ZBTB8A: variants seen among roughly 807,000 people sequenced by gnomAD.
The protein encoded by ZBTB8A is zinc finger and BTB domain-containing protein 8A.
Under a neutral mutation model 37.8 loss-of-function variants are expected in ZBTB8A, and 19 were observed. The observed-to-expected ratio is 0.50, with a 90% CI of 0.35 to 0.74. The LOEUF (loss-of-function observed/expected upper bound fraction) is 0.74, where lower values mean the gene tolerates loss of function less well. Ranked by LOEUF, ZBTB8A falls within the 30% of genes least tolerant of loss-of-function variation. The pLI is 0.01. For synonymous variants in ZBTB8A, 181 were observed against 185.2 expected, an observed-to-expected ratio of 0.98 and a Z score of 0.19; for missense variants, 394 against 537.8, an observed-to-expected ratio of 0.73 and a Z score of 2.65.
intron 4 of ZBTB8A, among the ~76,000 whole-genome samples, chr1:32,596,125 T>G (rs1347398389): frequency 1.3e-5 from 2 of 151,944 alleles, no homozygotes; most frequent in Non-Finnish European, 2.9e-5. Flanking sequence ...ATCCCAGCAC[T>G]TTGGGAGGCC....
intron 2 of ZBTB8A, among the ~76,000 whole-genome samples, chr1:32,586,570 T>C (rs760942405): frequency 4.0e-5 from 6 of 151,860 alleles, no homozygotes; most frequent in Non-Finnish European, 7.4e-5. Context: ...TCTGATAAGG[T>C]GACGTTGGAA....
chr1:32,567,748 C>A (rs1411130544), intron 2 of ZBTB8A, among the ~76,000 whole-genome samples: 5 of 122,524 alleles, frequency 4.1e-5, no homozygotes, highest in Non-Finnish European at 8.0e-5. Context: ...GCCGAGATTG[C>A]GCCACTACAC....
At chr1:32,582,682 G>A (rs1644416591) in intron 2 of ZBTB8A, among the ~76,000 whole-genome samples, 1 of 152,022 alleles carries the variant, frequency 6.6e-6, no homozygotes, top group Non-Finnish European at 1.5e-5. Flanking sequence ...AAAAGATTAG[G>A]CATTGATTTA....
chr1:32,551,862 T>G (rs1328005327), intron 1 of ZBTB8A, among the ~76,000 whole-genome samples: 1 of 152,164 alleles, frequency 6.6e-6, no homozygotes, highest in African/African-American at 2.4e-5. Context: ...CATGAGCCAC[T>G]GGGCCCAGCT....
intron 4 of ZBTB8A, among the ~76,000 whole-genome samples, chr1:32,598,377 C>G (rs971946243): frequency 6.6e-6 from 1 of 151,696 alleles, no homozygotes; most frequent in Non-Finnish European, 1.5e-5. Context: ...GGATTACAGG[C>G]GTGTGCCACC....
chr1:32,596,661 C>G (rs1427272070), intron 4 of ZBTB8A, among the ~76,000 whole-genome samples: 3 of 152,104 alleles, frequency 2.0e-5, no homozygotes, highest in Admixed American at 6.6e-5. Flanking sequence ...TCACACAACT[C>G]TACCATATTT....
At chr1:32,545,914 T>C (rs1157034479) in intron 1 of ZBTB8A, among the ~76,000 whole-genome samples, 1 of 152,232 alleles carries the variant, frequency 6.6e-6, no homozygotes, top group East Asian at 1.9e-4. Context: ...ATGAGTATTT[T>C]CTTCATTGTA....
intron 2 of ZBTB8A, among the ~76,000 whole-genome samples, chr1:32,577,612 GAC>G (rs1644373090): frequency 1.1e-5 from 1 of 90,586 alleles, no homozygotes; most frequent in African/African-American, 4.7e-5. Flanking sequence ...TTTTTTTTGA[GAC>G]AGAGTCTTTC....
chr1:32,539,651 G>A (rs1644031817), intron 1 of ZBTB8A, 79 bp downstream of exon 1: 2 of 146,350 alleles, frequency 1.4e-5, no homozygotes, highest in Non-Finnish European at 3.0e-5. Context: ...CCTGGCCGCG[G>A]GCTCTGACGG....
At chr1:32,581,554 G>T (rs982652716) in intron 2 of ZBTB8A, among the ~76,000 whole-genome samples, 1 of 151,396 alleles carries the variant, frequency 6.6e-6, no homozygotes, top group African/African-American at 2.4e-5. Flanking sequence ...GTTTCGCCAC[G>T]TTGGCCAGGC....
intron 2 of ZBTB8A, among the ~76,000 whole-genome samples, chr1:32,567,918 G>T (rs1570337626): frequency 6.6e-6 from 1 of 151,468 alleles, no homozygotes; most frequent in African/African-American, 2.4e-5. Flanking sequence ...GAGGCAGGCA[G>T]ATCATGAGGT....
At chr1:32,547,158 C>T (rs1644111282) in intron 1 of ZBTB8A, among the ~76,000 whole-genome samples, 1 of 151,110 alleles carries the variant, frequency 6.6e-6, no homozygotes, top group Non-Finnish European at 1.5e-5. Context: ...CCTGCCTGGG[C>T]CTTCCAAAGT....
intron 2 of ZBTB8A, among the ~76,000 whole-genome samples, chr1:32,592,653 C>A (rs1383957930): frequency 6.6e-6 from 1 of 151,768 alleles, no homozygotes; most frequent in African/African-American, 2.4e-5. Context: ...ATTACAGGCA[C>A]CCGCCACCAC....
intron 1 of ZBTB8A, among the ~76,000 whole-genome samples, chr1:32,540,026 C>T (rs746662920): frequency 6.6e-6 from 1 of 151,756 alleles, no homozygotes; most frequent in Non-Finnish European, 1.5e-5. Flanking sequence ...AGGGGCGCTG[C>T]CGGGGAACCT....
chr1:32,553,867 CAA>C (rs1441849037), intron 2 of ZBTB8A, among the ~76,000 whole-genome samples: 3 of 108,386 alleles, frequency 2.8e-5, no homozygotes, highest in African/African-American at 3.6e-5. Context: ...GCCTGGGCAA[CAA>C]GAGCGAAACT....
At chr1:32,555,681 C>G (rs1367692940) in intron 2 of ZBTB8A, among the ~76,000 whole-genome samples, 2 of 152,170 alleles carry the variant, frequency 1.3e-5, no homozygotes, top group Non-Finnish European at 2.9e-5. Flanking sequence ...TGCTAACAGC[C>G]TAATTGCTAT....
intron 2 of ZBTB8A, among the ~76,000 whole-genome samples, chr1:32,554,472 ATT>A (rs1644184258): frequency 1.5e-5 from 2 of 130,900 alleles, no homozygotes; most frequent in African/African-American, 6.0e-5. Flanking sequence ...TTATTTATTT[ATT>A]TATTTATTTA....
intron 2 of ZBTB8A, among the ~76,000 whole-genome samples, chr1:32,574,625 A>C (rs1021310773): frequency 5.3e-5 from 8 of 152,274 alleles, no homozygotes; most frequent in South Asian, 4.1e-4. Flanking sequence ...ATTTTTTAAA[A>C]AATTATAACA....
intron 2 of ZBTB8A, among the ~76,000 whole-genome samples, chr1:32,577,940 A>G (rs932066085): frequency 1.1e-4 from 16 of 151,076 alleles, no homozygotes; most frequent in South Asian, 2.1e-4. Context: ...GTGTTGCTCT[A>G]TTGCCCAGTC....
Sources: allele counts gnomAD v4.1 joint callset (sites outside exome capture counted in the v4.1 genomes callset), GRCh38; gene constraint gnomAD v4.1.1; transcripts MANE v1.5; gene names NCBI Gene and HGNC (gene_info 2026-07-23, HGNC 2026-07-21).